UNC5C: variants seen among roughly 807,000 people sequenced by gnomAD.
UNC5C encodes netrin receptor UNC5C.
Under a neutral mutation model 99.8 loss-of-function variants are expected in UNC5C, and 47 were observed. The ratio of observed to expected loss-of-function variants is 0.47; its 90% CI spans 0.37 to 0.60. The LOEUF is 0.60. Among genes scored for constraint, UNC5C ranks in the 20% least tolerant of loss-of-function variants. The pLI is 0.00. For missense variants in UNC5C, 1,062 were observed against 1,165.9 expected (o/e 0.91, Z 1.30); for synonymous variants, 487 against 452.2 (o/e 1.08, Z -0.98).
At chr4:95,380,072 C>T (rs1432012537) in intron 1 of UNC5C, among the ~76,000 whole-genome samples, 1 of 152,110 alleles carries the variant, frequency 6.6e-6, no homozygotes, top group African/African-American at 2.4e-5. Flanking sequence ...TTCCAAAATT[C>T]TCTTTGGTCC....
intron 12 of UNC5C, among the ~76,000 whole-genome samples, chr4:95,186,179 G>C (rs994875838): frequency 3.3e-5 from 5 of 152,082 alleles, no homozygotes; most frequent in African/African-American, 1.2e-4. Flanking sequence ...AGTTTTAATG[G>C]TACAAATACA....
intron 1 of UNC5C, among the ~76,000 whole-genome samples, chr4:95,356,674 G>T (rs1268870297): frequency 1.3e-5 from 2 of 152,168 alleles, no homozygotes; most frequent in African/African-American, 4.8e-5. Context: ...CACCATGGCT[G>T]TGTATCAGGA....
rs1318196695 is a variant in UNC5C at position 95,411,342 on chromosome 4, T to A, written c.125-75711A>T. 3.3e-5 allele frequency among the ~76,000 whole-genome samples: 5 copies of A among 152,194 alleles called. No homozygotes were observed. The East Asian group carries it at 7.7e-4, about 23-fold the overall frequency. ...TCCTCTGTAAGTCACTCAGCCTATC[T>A]GATTAGGGGTACATAGTGCAGAATT... is the stretch of plus-strand genomic sequence containing the variant. On this transcript the variant is annotated intron_variant, in intron 1 of 15. Coordinates refer to ENST00000453304, the MANE Select transcript of UNC5C (RefSeq NM_003728.4).
At chr4:95,477,581 G>A (rs1720967383) in intron 1 of UNC5C, among the ~76,000 whole-genome samples, 1 of 151,960 alleles carries the variant, frequency 6.6e-6, no homozygotes, top group Non-Finnish European at 1.5e-5. Context: ...AGCAGCTCTG[G>A]AACCTAAATT....
chr4:95,376,291 G>C (rs1427993116), intron 1 of UNC5C, among the ~76,000 whole-genome samples: 1 of 151,540 alleles, frequency 6.6e-6, no homozygotes, highest in Middle Eastern at 3.4e-3. Flanking sequence ...AAATTATTTT[G>C]TTCTTAATTC....
rs541899230 is a variant in UNC5C, at chr4:95,216,951, T to G, written c.1646-740A>C. Reference sequence around the variant, plus strand: ...TGGGGTGTGGGGTAGATTTTTTAGTTCAACCAGTTGCCAGGTGATGCCCAT... The same window carrying G: ...TGGGGTGTGGGGTAGATTTTTTAGTGCAACCAGTTGCCAGGTGATGCCCAT... On this transcript the variant is annotated intron_variant, in intron 9 of 15. Coordinates refer to ENST00000453304, the MANE Select transcript of UNC5C (RefSeq NM_003728.4). Among the ~76,000 whole-genome samples, 4 of 152,308 alleles carry G rather than the reference T, an allele frequency of 2.6e-5. No homozygotes were observed. The South Asian group carries it at 6.2e-4, about 24-fold the overall frequency.
intron 4 of UNC5C, among the ~76,000 whole-genome samples, chr4:95,253,843 C>T (rs1221516481): frequency 1.3e-5 from 2 of 152,238 alleles, no homozygotes; most frequent in Non-Finnish European, 2.9e-5. Context: ...TGCTGTAATA[C>T]CAGGGGCTAC....
intron 7 of UNC5C, among the ~76,000 whole-genome samples, chr4:95,231,628 A>G (rs545862711): frequency 2.0e-5 from 3 of 152,232 alleles, no homozygotes; most frequent in Non-Finnish European, 2.9e-5. Context: ...TTTCACCCCA[A>G]TTACATTTGT....
intron 1 of UNC5C, among the ~76,000 whole-genome samples, chr4:95,429,005 A>C (rs998263979): frequency 6.6e-6 from 1 of 152,020 alleles, no homozygotes; most frequent in Non-Finnish European, 1.5e-5. Flanking sequence ...GTAAGGCTTC[A>C]TGTTGTACAT....
chr4:95,382,458 C>CAA (rs11324926), intron 1 of UNC5C, among the ~76,000 whole-genome samples: 1 of 136,002 alleles, frequency 7.4e-6, no homozygotes, highest in Non-Finnish European at 1.6e-5. Flanking sequence ...GACCGTCTGT[C>CAA]AAAAAAAAAA....
intron 5 of UNC5C, chr4:95,248,443 A>C (rs1739579008): frequency 4.7e-6 from 2 of 423,536 alleles, no homozygotes; most frequent in Admixed American, 2.8e-5. Context: ...AATAAGATCG[A>C]TACAGAATTA....
chr4:95,457,698 G>C (rs1747482316), intron 1 of UNC5C, among the ~76,000 whole-genome samples: 1 of 152,100 alleles, frequency 6.6e-6, no homozygotes, highest in East Asian at 1.9e-4. Context: ...GAGAGAGAGG[G>C]AGAAGTGACA....
intron 3 of UNC5C, among the ~76,000 whole-genome samples, chr4:95,300,686 T>G (rs1241290671): frequency 6.6e-6 from 1 of 152,146 alleles, no homozygotes; most frequent in Non-Finnish European, 1.5e-5. Context: ...GTAACACAGT[T>G]CTTTCACATC....
At chr4:95,545,416 C>T (rs1389273665) in intron 1 of UNC5C, among the ~76,000 whole-genome samples, 1 of 152,112 alleles carries the variant, frequency 6.6e-6, no homozygotes, top group Non-Finnish European at 1.5e-5. Flanking sequence ...TTTCTGTACT[C>T]CTACAATGAA....
chr4:95,250,080 G>A (rs1739637289), intron 5 of UNC5C, among the ~76,000 whole-genome samples: 1 of 152,132 alleles, frequency 6.6e-6, no homozygotes, highest in African/African-American at 2.4e-5. Flanking sequence ...AGGCACTCAG[G>A]TAGGCTTCCT....
intron 2 of UNC5C, among the ~76,000 whole-genome samples, chr4:95,307,352 T>C (rs549596597): frequency 1.3e-5 from 2 of 152,282 alleles, no homozygotes; most frequent in African/African-American, 4.8e-5. Flanking sequence ...AGCTTTATTA[T>C]GAGTATAATT....
At chr4:95,441,621 A>G (rs1486975396) in intron 1 of UNC5C, among the ~76,000 whole-genome samples, 1 of 152,190 alleles carries the variant, frequency 6.6e-6, no homozygotes, top group Non-Finnish European at 1.5e-5. Flanking sequence ...GTATAATTAC[A>G]CTGTTCTGTA....
intron 1 of UNC5C, among the ~76,000 whole-genome samples, chr4:95,447,071 T>C (rs1747127427): frequency 1.3e-5 from 2 of 152,204 alleles, no homozygotes; most frequent in African/African-American, 2.4e-5. Flanking sequence ...AGAATCAAGA[T>C]GTGTTCCTCT....
At chr4:95,400,807 T>C (rs1374582106) in intron 1 of UNC5C, among the ~76,000 whole-genome samples, 1 of 152,188 alleles carries the variant, frequency 6.6e-6, no homozygotes, top group African/African-American at 2.4e-5. Flanking sequence ...GACCAACAGC[T>C]GCATTGCAGC....
Sources: allele counts gnomAD v4.1 joint callset (sites outside exome capture counted in the v4.1 genomes callset), GRCh38; gene constraint gnomAD v4.1.1; transcripts MANE v1.5; gene names NCBI Gene and HGNC (gene_info 2026-07-23, HGNC 2026-07-21).